Variants in DNAJA3 observed in about 807,000 individuals in gnomAD.
The protein encoded by DNAJA3 is DnaJ heat shock protein family (Hsp40) member A3.
In DNAJA3, 29 loss-of-function variants were observed where a neutral mutation model predicts 54.9. That is an observed-to-expected ratio of 0.53 (90% CI 0.39 to 0.72). The LOEUF (loss-of-function observed/expected upper bound fraction) is 0.72. Among genes scored for constraint, DNAJA3 ranks in the 30% least tolerant of loss-of-function variants. The pLI is 0.00. For missense variants in DNAJA3, 708 were observed against 639.4 expected (o/e 1.11, Z -1.16); for synonymous variants, 302 against 251.4 (o/e 1.20, Z -1.90).
At chr16:4,438,819 ATATATC>A (rs936586147) in intron 3 of DNAJA3, among the ~76,000 whole-genome samples, 18 of 152,132 alleles carry the variant, frequency 1.2e-4, no homozygotes, top group African/African-American at 4.1e-4. Flanking sequence ...ATAGGAGCTC[ATATATC>A]TATAAGAGTA....
intron 11 of DNAJA3, 140 bp downstream of exon 11, chr16:4,455,067 C>T (rs2057019930): frequency 1.5e-6 from 1 of 646,422 alleles, no homozygotes; most frequent in Non-Finnish European, 2.7e-6. Context: ...AAACCTAGCT[C>T]CACTAGGAGC....
chr16:4,453,540 A>G (rs562443574), intron 10 of DNAJA3, among the ~76,000 whole-genome samples: 32 of 151,626 alleles, frequency 2.1e-4, no homozygotes, highest in African/African-American at 7.7e-4. Flanking sequence ...TCTTGGGTTC[A>G]ACCAATTCTG....
intron 2 of DNAJA3, among the ~76,000 whole-genome samples, chr16:4,436,579 AGGCTGGAGTGCAGTGGTGCAGTCTT>A (rs2056774877): frequency 6.6e-6 from 1 of 152,202 alleles, no homozygotes; most frequent in Non-Finnish European, 1.5e-5. Flanking sequence ...CGTGTGGCTC[AGGCTGGAGTGCAGTGGTGCAGTCTT>A]GGCTCACTGC....
intron 2 of DNAJA3, among the ~76,000 whole-genome samples, chr16:4,436,814 G>C (rs1355845048): frequency 6.6e-6 from 1 of 152,184 alleles, no homozygotes; most frequent in Non-Finnish European, 1.5e-5. Context: ...GGGATAACAG[G>C]CATGAGCCAC....
chr16:4,437,955 C>G (rs986995823), intron 3 of DNAJA3, among the ~76,000 whole-genome samples: 1 of 150,318 alleles, frequency 6.7e-6, no homozygotes, highest in Non-Finnish European at 1.5e-5. Context: ...GACCTTCTCT[C>G]AAAAAATAAA....
At chr16:4,434,627 C>A in intron 2 of DNAJA3, 110 bp downstream of exon 2, 1 of 1,290,512 alleles carries the variant, frequency 7.7e-7, no homozygotes, top group Non-Finnish European at 1.1e-6. Flanking sequence ...GTCTCATGAG[C>A]TGATAGTATA....
intron 1 of DNAJA3, chr16:4,433,727 G>T (rs1284475026): frequency 1.3e-5 from 2 of 152,114 alleles, no homozygotes; most frequent in Admixed American, 1.3e-4. Context: ...GCATAAGAGG[G>T]GGGAGCTGAA....
intron 5 of DNAJA3, 175 bp downstream of exon 5, chr16:4,442,595 A>G (rs2056849829): frequency 1.4e-6 from 1 of 735,060 alleles, no homozygotes; most frequent in African/African-American, 1.8e-5. Flanking sequence ...TCTTTCCCTG[A>G]TACCACAGGC....
At chr16:4,454,451 G>A (rs1460008515) in intron 10 of DNAJA3, among the ~76,000 whole-genome samples, 2 of 152,296 alleles carry the variant, frequency 1.3e-5, no homozygotes, top group Non-Finnish European at 1.5e-5. Context: ...AAATTTGCCT[G>A]TAAGGAAGTG....
rs1477286221 is a variant in DNAJA3 at position 4,455,533 on chromosome 16, C to G, written c.*14-13C>G. The G allele has an allele frequency of 2.6e-6, 4 of 1,551,658 alleles. No homozygotes were observed. Among genetic ancestry groups the G allele is most frequent in the African/African-American group, 2.7e-5 (2 of 73,028 alleles). ...TGTTGAGTATAAGGTAACAGCCTAT[C>G]TCTTTGGCTCAGGAAAAAGATCCAC... On this transcript the variant is annotated splice_polypyrimidine_tract_variant and intron_variant, in intron 11 of 11. Coordinates refer to ENST00000262375, the MANE Select transcript of DNAJA3 (RefSeq NM_005147.6).
At chr16:4,439,747 A>G (rs1340782430) in intron 3 of DNAJA3, among the ~76,000 whole-genome samples, 2 of 152,106 alleles carry the variant, frequency 1.3e-5, no homozygotes, top group East Asian at 1.9e-4. Context: ...AAAACCCACC[A>G]GGAAGTCATG....
intron 11 of DNAJA3, 114 bp from the exon 12 acceptor site, chr16:4,455,428 TGGGG>T: frequency 8.2e-7 from 1 of 1,220,798 alleles, no homozygotes; most frequent in East Asian, 2.5e-5. Context: ...TCTCAGCAAG[TGGGG>T]TTCTCGCCCC....
Position 4,455,565 on chromosome 16 carries a change from C to T in DNAJA3, c.*33C>T. On this transcript the variant is annotated 3_prime_UTR_variant, in exon 12 of 12. Transcript: ENST00000262375. ...GCTCAGGAAAAAGATCCACTGGAAA[C>T]TAGGCCGGGAAGCAGCAGCCCCTCC... 1 of 1,551,764 alleles carries T rather than the reference C, an allele frequency of 6.4e-7. No homozygotes were observed. The highest frequency in any genetic ancestry group is 8.7e-7 in the Non-Finnish European group (1 of 1,146,982).
At chr16:4,445,340 G>C (rs1342452408) in intron 7 of DNAJA3, among the ~76,000 whole-genome samples, 1 of 152,218 alleles carries the variant, frequency 6.6e-6, no homozygotes, top group African/African-American at 2.4e-5. Context: ...TGCAGGTACA[G>C]ACAGCAGGGA....
At chr16:4,432,696 C>T (rs964887449) in intron 1 of DNAJA3, among the ~76,000 whole-genome samples, 3 of 151,992 alleles carry the variant, frequency 2.0e-5, no homozygotes, top group African/African-American at 7.2e-5. Context: ...CCAGTCTGGG[C>T]GTGGTGGCAC....
intron 1 of DNAJA3, among the ~76,000 whole-genome samples, chr16:4,430,290 A>C (rs575202761): frequency 6.6e-6 from 1 of 151,912 alleles, no homozygotes. Flanking sequence ...GTTGGTGGCC[A>C]GGTATGGTGG....
chr16:4,426,229 G>T (rs895754610), intron 1 of DNAJA3, 137 bp downstream of exon 1: 22 of 1,022,812 alleles, frequency 2.2e-5, no homozygotes, highest in Non-Finnish European at 2.8e-5. Flanking sequence ...CGGAGACACA[G>T]ACAGGCAGGA....
chr16:4,427,043 C>T (rs1453472084), intron 1 of DNAJA3: 1 of 152,116 alleles, frequency 6.6e-6, no homozygotes, highest in African/African-American at 2.4e-5. Flanking sequence ...TCAGCCTCCC[C>T]AGTAGCTGGA....
At chr16:4,437,519 T>G in intron 3 of DNAJA3, 34 bp downstream of exon 3, 1 of 1,572,606 alleles carries the variant, frequency 6.4e-7, no homozygotes, top group South Asian at 1.1e-5. Flanking sequence ...GTCACTGCTG[T>G]TCAGCTATGT....
Sources: gnomAD v4.1 joint callset for allele counts (sites outside exome capture counted in the v4.1 genomes callset) on GRCh38, gnomAD v4.1.1 for gene constraint, MANE v1.5 for transcripts, NCBI Gene and HGNC (gene_info 2026-07-23, HGNC 2026-07-21) for gene names.